The following TMEM196 variants were observed in gnomAD, a reference collection of about 807,000 sequenced individuals.
TMEM196 encodes transmembrane protein 196.
Under a neutral mutation model 20.0 loss-of-function variants are expected in TMEM196, and 17 were observed. The ratio of observed to expected loss-of-function variants is 0.85; its 90% confidence interval spans 0.58 to 1.27. The LOEUF is 1.27. Among genes scored for constraint, TMEM196 ranks in the 50% most tolerant of loss-of-function variants. The probability of loss-of-function intolerance (pLI) is 0.00; values close to 1 mark genes in which losing one functional copy is unlikely to be tolerated. For missense variants in TMEM196, 267 were observed against 223.0 expected, an observed-to-expected ratio of 1.20 and a Z score of -1.26; for synonymous variants, 113 against 88.9, an observed-to-expected ratio of 1.27 and a Z score of -1.52.
At chr7:19,729,956 A>G (rs1784136028) in intron 1 of TMEM196, among the ~76,000 whole-genome samples, 1 of 152,160 alleles carries the variant, frequency 6.6e-6, no homozygotes, top group South Asian at 2.1e-4. Flanking sequence ...TGGATATGTC[A>G]GAAGAACACA....
At chr7:19,763,696 C>T (rs1008766138) in intron 1 of TMEM196, among the ~76,000 whole-genome samples, 6 of 152,140 alleles carry the variant, frequency 3.9e-5, no homozygotes, top group South Asian at 4.1e-4. Flanking sequence ...TGTCTATAAA[C>T]GACGAATAGA....
chr7:19,724,369 C>A lies in TMEM196; in HGVS notation c.460-16G>T. 2 of 1,548,242 alleles carry A rather than the reference C, an allele frequency of 1.3e-6. No individual in the cohort carries two copies. The highest frequency in any genetic ancestry group is 1.7e-6 in the Non-Finnish European group (2 of 1,145,066). On this transcript the variant is annotated splice_polypyrimidine_tract_variant and intron_variant, in intron 3 of 4. Coordinates refer to ENST00000405844, the MANE Select transcript of TMEM196 (RefSeq NM_001363562.2). Reference sequence around the variant, plus strand: ...CCCTCAATCTCTAATGTAAATATAACAATCATACAATAAATATTGCACAAA... The same window carrying A: ...CCCTCAATCTCTAATGTAAATATAAAAATCATACAATAAATATTGCACAAA...
chr7:19,748,804 A>C (rs1784856393), intron 1 of TMEM196, among the ~76,000 whole-genome samples: 1 of 152,222 alleles, frequency 6.6e-6, no homozygotes, highest in Admixed American at 6.5e-5. Flanking sequence ...TAGGAGGTAG[A>C]GACAATATTT....
At position 19,721,620 on chromosome 7, in the gene TMEM196, G is replaced by A. The variant is rs2128010478; in HGVS notation, c.*508C>T. ...AATAATTACAATGTTTTTATAACAA[G>A]GCATTACTGAGGTTTTGAATTGTAG... is the stretch of plus-strand genomic sequence containing the variant. On this transcript the variant is annotated 3_prime_UTR_variant, in exon 5 of 5. Coordinates refer to ENST00000405844, the MANE Select transcript of TMEM196 (RefSeq NM_001363562.2). The A allele has an allele frequency of 6.6e-6, 1 of 152,076 alleles. No homozygotes were observed. The highest frequency in any genetic ancestry group is 2.4e-5 in the African/African-American group (1 of 41,488). The allele number at this position is 152,076 out of a possible 1,614,324, so 9.4% of individuals were successfully genotyped here.
intron 4 of TMEM196, 149 bp from the exon 5 acceptor site, chr7:19,722,283 A>G: frequency 1.6e-6 from 1 of 637,192 alleles, no homozygotes; most frequent in East Asian, 3.2e-5. Context: ...ATATTTGAGG[A>G]AATAAAATTT....
intron 1 of TMEM196, among the ~76,000 whole-genome samples, chr7:19,732,999 T>C (rs1784268217): frequency 6.6e-6 from 1 of 152,224 alleles, no homozygotes; most frequent in African/African-American, 2.4e-5. Context: ...TGAGAAAATA[T>C]GATTTTATTT....
intron 1 of TMEM196, among the ~76,000 whole-genome samples, chr7:19,733,588 G>T (rs1482289086): frequency 1.3e-5 from 2 of 151,478 alleles, no homozygotes; most frequent in African/African-American, 4.9e-5. Context: ...GGGTAGCAAA[G>T]CTTCTCATTT....
At chr7:19,722,966 C>G (rs1201672691) in intron 4 of TMEM196, among the ~76,000 whole-genome samples, 1 of 151,682 alleles carries the variant, frequency 6.6e-6, no homozygotes, top group African/African-American at 2.4e-5. Flanking sequence ...ATAAAATTAT[C>G]TAAAAATAAA....
At chr7:19,726,793 A>G (rs141209757) in intron 2 of TMEM196, among the ~76,000 whole-genome samples, 108 of 152,266 alleles carry the variant, frequency 7.1e-4, no homozygotes, top group African/African-American at 2.5e-3. Context: ...AAATTCTTCT[A>G]TGGGCTTTCA....
chr7:19,728,143 C>T (rs1330667588), intron 2 of TMEM196, among the ~76,000 whole-genome samples: 1 of 151,994 alleles, frequency 6.6e-6, no homozygotes, highest in African/African-American at 2.4e-5. Context: ...ACAACAACAA[C>T]AAAAAGCCTC....
chr7:19,732,918 TA>T (rs945037448), intron 1 of TMEM196, among the ~76,000 whole-genome samples: 2 of 152,124 alleles, frequency 1.3e-5, no homozygotes, highest in African/African-American at 4.8e-5. Flanking sequence ...ATTAAGCAAG[TA>T]AAAAACAAAT....
intron 2 of TMEM196, among the ~76,000 whole-genome samples, chr7:19,728,303 A>G (rs1228111129): frequency 6.6e-6 from 1 of 152,060 alleles, no homozygotes; most frequent in African/African-American, 2.4e-5. Flanking sequence ...GAGTCTTCGT[A>G]GAGGAAGGGC....
chr7:19,740,998 G>T (rs1270091145), intron 1 of TMEM196, among the ~76,000 whole-genome samples: 1 of 152,124 alleles, frequency 6.6e-6, no homozygotes, highest in Admixed American at 6.6e-5. Flanking sequence ...TCTTTATTTA[G>T]AAAGTAGCTT....
intron 1 of TMEM196, among the ~76,000 whole-genome samples, chr7:19,764,501 C>G (rs1785549209): frequency 6.6e-6 from 1 of 152,172 alleles, no homozygotes; most frequent in Non-Finnish European, 1.5e-5. Context: ...TACCTCTTCT[C>G]CATGACTTTA....
At position 19,720,149 on chromosome 7, in the gene TMEM196, G is replaced by A. The variant is rs1044308937; in HGVS notation, c.*1979C>T. On this transcript the variant is annotated 3_prime_UTR_variant, in exon 5 of 5. Coordinates refer to ENST00000405844, the MANE Select transcript of TMEM196 (RefSeq NM_001363562.2). ...GCCTGTTTGTGGCATTGAATGAATA[G>A]TTATGATGTTGATTCACTATATGAG... 21 of 151,988 alleles carry A rather than the reference G, an allele frequency of 1.4e-4. 1 individual carries two copies. The highest frequency in any genetic ancestry group is 1.0e-3 in the Admixed American group (16 of 15,246). The allele number at this position is 151,988 out of a possible 1,614,324, so 9.4% of individuals were successfully genotyped here. A position where few individuals can be genotyped will look rare whatever the true frequency, so the allele number is the denominator to read the frequency against.
intron 1 of TMEM196, 148 bp from the exon 2 acceptor site, chr7:19,729,586 C>A: frequency 1.4e-6 from 1 of 697,396 alleles, no homozygotes; most frequent in South Asian, 2.2e-5. Flanking sequence ...AGATCTCATT[C>A]TAGAATAGTA....
At chr7:19,767,192 A>C (rs17141959) in intron 1 of TMEM196, among the ~76,000 whole-genome samples, 39,352 of 151,930 alleles carry the variant, frequency 0.26, 5,675 homozygotes, top group East Asian at 0.4. Context: ...TCATGAAATA[A>C]AGAAAAATGT....
intron 1 of TMEM196, among the ~76,000 whole-genome samples, chr7:19,771,498 A>T (rs2128042093): frequency 6.6e-6 from 1 of 152,342 alleles, no homozygotes; most frequent in South Asian, 2.1e-4. Flanking sequence ...ACTCCGTAAT[A>T]ATCATTTTCT....
intron 1 of TMEM196, among the ~76,000 whole-genome samples, chr7:19,730,187 C>T (rs2128016221): frequency 6.6e-6 from 1 of 150,634 alleles, no homozygotes. Context: ...ACCTGGGAGG[C>T]GAGGCTTGCA....
Sources: gnomAD v4.1 joint callset for allele counts (sites outside exome capture counted in the v4.1 genomes callset) on GRCh38, gnomAD v4.1.1 for gene constraint, MANE v1.5 for transcripts, NCBI Gene and HGNC (gene_info 2026-07-23, HGNC 2026-07-21) for gene names.